SUPT3H: variants seen among roughly 807,000 people sequenced by gnomAD.
SUPT3H encodes transcription initiation protein SPT3 homolog.
SUPT3H carries 44 observed loss-of-function variants against 44.3 expected under a neutral mutation model. That is an observed-to-expected ratio of 0.99 (90% CI 0.78 to 1.28). The LOEUF (loss-of-function observed/expected upper bound fraction) is 1.28, where lower values mean the gene tolerates loss of function less well. Among genes scored for constraint, SUPT3H ranks in the 50% most tolerant of loss-of-function variants. The pLI is 0.00. For synonymous variants in SUPT3H, 124 were observed against 125.6 expected (o/e 0.99, Z 0.09); for missense variants, 380 against 387.1 (o/e 0.98, Z 0.15).
intron 2 of SUPT3H, among the ~76,000 whole-genome samples, chr6:45,125,477 T>G (rs1171350185): frequency 1.3e-5 from 2 of 152,276 alleles, no homozygotes; most frequent in East Asian, 1.9e-4. Context: ...GTGGTAGAAA[T>G]GCATGGGGTC....
intron 2 of SUPT3H, among the ~76,000 whole-genome samples, chr6:45,143,176 C>T (rs1805522897): frequency 6.6e-6 from 1 of 152,100 alleles, no homozygotes; most frequent in African/African-American, 2.4e-5. Context: ...GACATAGAAA[C>T]AACGAACTTA....
At chr6:44,996,413 A>G (rs1171941108) in intron 6 of SUPT3H, among the ~76,000 whole-genome samples, 1 of 151,746 alleles carries the variant, frequency 6.6e-6, no homozygotes, top group Admixed American at 6.6e-5. Context: ...ATTTTTATTC[A>G]TTTGCCTTTT....
chr6:45,239,589 TG>T (rs1769897673), intron 2 of SUPT3H, among the ~76,000 whole-genome samples: 1 of 152,218 alleles, frequency 6.6e-6, no homozygotes, highest in African/African-American at 2.4e-5. Flanking sequence ...CTTGTGTACG[TG>T]TATGTGTGGA....
intron 2 of SUPT3H, among the ~76,000 whole-genome samples, chr6:45,243,894 T>C (rs532650722): frequency 2.6e-5 from 4 of 152,204 alleles, no homozygotes; most frequent in Non-Finnish European, 4.4e-5. Context: ...TCATTTAATT[T>C]TATTTGAGAC....
chr6:44,815,021 A>G (rs953539491), intron 11 of SUPT3H, among the ~76,000 whole-genome samples: 1 of 152,130 alleles, frequency 6.6e-6, no homozygotes, highest in African/African-American at 2.4e-5. Flanking sequence ...CTTAAAAAAA[A>G]GTCATGAGAA....
intron 2 of SUPT3H, among the ~76,000 whole-genome samples, chr6:45,120,434 AAAAAAAAG>A (rs1475671754): frequency 1.4e-4 from 21 of 148,720 alleles, no homozygotes; most frequent in African/African-American, 5.1e-4. Context: ...AAAAAAAAAA[AAAAAAAAG>A]ACTATATAAG....
chr6:45,348,008 T>C (rs9472464), intron 2 of SUPT3H, among the ~76,000 whole-genome samples: 22,198 of 152,020 alleles, frequency 0.15, 2,147 homozygotes, highest in African/African-American at 0.27. Flanking sequence ...GTTATATAAA[T>C]AGGTATGTAT....
intron 6 of SUPT3H, among the ~76,000 whole-genome samples, chr6:44,973,265 G>A (rs1777854666): frequency 6.6e-6 from 1 of 152,070 alleles, no homozygotes; most frequent in Non-Finnish European, 1.5e-5. Context: ...TCTCTCCCCA[G>A]TTCAAAGTTC....
At position 45,230,417 on chromosome 6, in the gene SUPT3H, G is replaced by A. The variant is rs1197715626; in HGVS notation, c.102-124411C>T. Among the ~76,000 whole-genome samples the A allele has an allele frequency of 3.3e-5, 5 of 151,626 alleles. No homozygotes were observed. The East Asian group carries it at 9.7e-4, about 29-fold the overall frequency. ...TTATGAACCTGCATGCCCCAGTGTG[G>A]GGGGGGCTTATGTAACAATTGTTAT... On this transcript the variant is annotated intron_variant, in intron 2 of 10. Transcript: ENST00000371459.
At chr6:45,136,513 T>C (rs1188686024) in intron 2 of SUPT3H, among the ~76,000 whole-genome samples, 3 of 152,114 alleles carry the variant, frequency 2.0e-5, no homozygotes, top group East Asian at 3.9e-4. Flanking sequence ...ATTATAAATA[T>C]TTCAAAGAGC....
chr6:45,178,193 C>T (rs1812371238), intron 2 of SUPT3H, among the ~76,000 whole-genome samples: 2 of 152,068 alleles, frequency 1.3e-5, no homozygotes, highest in African/African-American at 4.8e-5. Context: ...TGCAGAGACA[C>T]ACATAGGCTC....
intron 2 of SUPT3H, among the ~76,000 whole-genome samples, chr6:45,229,454 C>G (rs541616902): frequency 6.6e-6 from 1 of 152,116 alleles, no homozygotes; most frequent in African/African-American, 2.4e-5. Context: ...TAGCAAAATA[C>G]TAAAATAAAA....
chr6:45,264,097 G>C (rs1774856222), intron 2 of SUPT3H, among the ~76,000 whole-genome samples: 1 of 152,112 alleles, frequency 6.6e-6, no homozygotes, highest in Non-Finnish European at 1.5e-5. Flanking sequence ...TGGTACACCA[G>C]AGAAGTAGAA....
chr6:45,340,840 A>G (rs1789633964), intron 2 of SUPT3H, among the ~76,000 whole-genome samples: 1 of 152,164 alleles, frequency 6.6e-6, no homozygotes, highest in Non-Finnish European at 1.5e-5. Context: ...GATTATAATC[A>G]TAGGCTTTGG....
intron 2 of SUPT3H, among the ~76,000 whole-genome samples, chr6:45,172,792 A>G (rs1448699801): frequency 6.6e-6 from 1 of 151,928 alleles, no homozygotes; most frequent in Non-Finnish European, 1.5e-5. Flanking sequence ...CGGTTTCACC[A>G]TGTTGGCTAG....
chr6:44,964,208 C>T (rs1032998274), intron 6 of SUPT3H, among the ~76,000 whole-genome samples: 1 of 152,052 alleles, frequency 6.6e-6, no homozygotes, highest in African/African-American at 2.4e-5. Flanking sequence ...GTTGGATGAA[C>T]AAATGCGACT....
At chr6:45,126,406 A>C (rs1802434189) in intron 2 of SUPT3H, among the ~76,000 whole-genome samples, 1 of 152,234 alleles carries the variant, frequency 6.6e-6, no homozygotes, top group Non-Finnish European at 1.5e-5. Context: ...AAAAAGATGG[A>C]TACACATTTA....
chr6:45,264,153 T>C (rs1329274047), intron 2 of SUPT3H, among the ~76,000 whole-genome samples: 2 of 152,178 alleles, frequency 1.3e-5, no homozygotes, highest in Non-Finnish European at 2.9e-5. Flanking sequence ...TGAAAACACT[T>C]ATTTTTTAAA....
At chr6:45,315,346 C>CGTTGT (rs1784524634) in intron 2 of SUPT3H, among the ~76,000 whole-genome samples, 1 of 152,094 alleles carries the variant, frequency 6.6e-6, no homozygotes, top group African/African-American at 2.4e-5. Flanking sequence ...AAACTGACAA[C>CGTTGT]CCACAGAGTT....
Sources: allele counts gnomAD v4.1 joint callset (sites outside exome capture counted in the v4.1 genomes callset), GRCh38; gene constraint gnomAD v4.1.1; transcripts MANE v1.5; gene names NCBI Gene and HGNC (gene_info 2026-07-23, HGNC 2026-07-21).